The following PLCL1 variants were observed in gnomAD, a reference collection of about 807,000 sequenced individuals.
PLCL1 encodes the protein phospholipase C like 1 (inactive).
Under a neutral mutation model 84.4 loss-of-function variants are expected in PLCL1, and 41 were observed. The observed-to-expected ratio is 0.49, with a 90% CI of 0.38 to 0.63. The LOEUF (loss-of-function observed/expected upper bound fraction) is 0.63. PLCL1 is among the 30% of genes least tolerant of loss of function. PLCL1 has a pLI of 0.00. For missense variants in PLCL1, 1,206 were observed against 1,367.8 expected, an observed-to-expected ratio of 0.88 and a Z score of 1.87; for synonymous variants, 490 against 488.3, an observed-to-expected ratio of 1.00 and a Z score of -0.05.
chr2:197,997,440 A>C (rs112227398), intron 1 of PLCL1, among the ~76,000 whole-genome samples: 5 of 152,332 alleles, frequency 3.3e-5, no homozygotes, highest in African/African-American at 1.2e-4. Flanking sequence ...GGTGATGACT[A>C]TGTTATCATA....
At chr2:197,986,847 T>C (rs1268742158) in intron 1 of PLCL1, among the ~76,000 whole-genome samples, 1 of 152,218 alleles carries the variant, frequency 6.6e-6, no homozygotes, top group African/African-American at 2.4e-5. Flanking sequence ...GTTTACAAAG[T>C]GCTTCCATTT....
intron 1 of PLCL1, among the ~76,000 whole-genome samples, chr2:197,979,326 C>T (rs916774825): frequency 6.6e-6 from 1 of 152,166 alleles, no homozygotes; most frequent in Non-Finnish European, 1.5e-5. Context: ...GGTAGAAAAA[C>T]ATAGCAAACA....
chr2:198,066,403 C>A (rs1437662538), intron 1 of PLCL1, among the ~76,000 whole-genome samples: 1 of 152,156 alleles, frequency 6.6e-6, no homozygotes, highest in Non-Finnish European at 1.5e-5. Flanking sequence ...TTGCCCAAAC[C>A]AGAGATCTGG....
chr2:197,927,150 G>C (rs1688847252), intron 1 of PLCL1, among the ~76,000 whole-genome samples: 1 of 152,190 alleles, frequency 6.6e-6, no homozygotes, highest in Admixed American at 6.5e-5. Context: ...GTCTAGTTCA[G>C]ATTCAAGGAA....
At chr2:198,028,675 T>C (rs969914158) in intron 1 of PLCL1, among the ~76,000 whole-genome samples, 1 of 152,178 alleles carries the variant, frequency 6.6e-6, no homozygotes, top group African/African-American at 2.4e-5. Context: ...TCACATCACA[T>C]TGACCTTCTC....
intron 1 of PLCL1, among the ~76,000 whole-genome samples, chr2:198,034,148 C>T (rs1691497239): frequency 6.6e-6 from 1 of 152,070 alleles, no homozygotes; most frequent in South Asian, 2.1e-4. Context: ...CTCCCCCTCC[C>T]CTCACCCCAC....
At chr2:197,879,081 T>C (rs1261123878) in intron 1 of PLCL1, among the ~76,000 whole-genome samples, 1 of 152,230 alleles carries the variant, frequency 6.6e-6, no homozygotes, top group Non-Finnish European at 1.5e-5. Context: ...GTTCCTTCCA[T>C]GACTTCATGT....
intron 1 of PLCL1, among the ~76,000 whole-genome samples, chr2:197,865,179 A>G (rs761513647): frequency 3.9e-5 from 6 of 152,176 alleles, no homozygotes; most frequent in Non-Finnish European, 5.9e-5. Flanking sequence ...CAGTCACTCA[A>G]TGAAGTGCTT....
chr2:197,961,521 ATTATAC>A, intron 1 of PLCL1, among the ~76,000 whole-genome samples: 1 of 151,946 alleles, frequency 6.6e-6, no homozygotes, highest in Non-Finnish European at 1.5e-5. Flanking sequence ...AAAGAGAACT[ATTATAC>A]TTAATACTAG....
Position 198,044,590 on chromosome 2 carries a change from C to T in PLCL1, c.241-39168C>T, listed in dbSNP as rs546613189. 5.9e-5 allele frequency among the ~76,000 whole-genome samples: 9 copies of T among 152,086 alleles called. No individual in the cohort carries two copies. The South Asian group carries it at 1.9e-3, about 32-fold the overall frequency. ...TGTAAAAACTACACATAAACCAAAA[C>T]CATAGGGGTTTCAAATAATCATTGC... On this transcript the variant is annotated intron_variant, in intron 1 of 5. Transcript: ENST00000428675.
chr2:198,109,075 T>A (rs1693556633), intron 5 of PLCL1, among the ~76,000 whole-genome samples: 3 of 151,916 alleles, frequency 2.0e-5, no homozygotes, highest in Non-Finnish European at 1.5e-5. Context: ...GTCCTTCTTG[T>A]GCTGATATAA....
At chr2:197,822,355 C>A (rs769575909) in intron 1 of PLCL1, among the ~76,000 whole-genome samples, 3 of 152,148 alleles carry the variant, frequency 2.0e-5, no homozygotes, top group Non-Finnish European at 4.4e-5. Flanking sequence ...GAGCCCAAAT[C>A]AAGTTATTCT....
intron 1 of PLCL1, among the ~76,000 whole-genome samples, chr2:197,900,605 C>G (rs1257690295): frequency 2.0e-5 from 3 of 152,148 alleles, no homozygotes; most frequent in Non-Finnish European, 4.4e-5. Context: ...GTACAAAATC[C>G]CTGGAGAATC....
intron 1 of PLCL1, among the ~76,000 whole-genome samples, chr2:197,975,757 A>G (rs1177655720): frequency 6.6e-6 from 1 of 152,064 alleles, no homozygotes; most frequent in East Asian, 1.9e-4. Flanking sequence ...AGTGAGCTAT[A>G]TTTGTGCCAC....
chr2:197,825,921 TA>T (rs372280070), intron 1 of PLCL1, among the ~76,000 whole-genome samples: 1 of 152,324 alleles, frequency 6.6e-6, no homozygotes, highest in Non-Finnish European at 1.5e-5. Context: ...AGGCTGTGCC[TA>T]AAAAAATGGA....
chr2:197,829,073 T>C (rs965696044), intron 1 of PLCL1, among the ~76,000 whole-genome samples: 1 of 152,170 alleles, frequency 6.6e-6, no homozygotes, highest in Non-Finnish European at 1.5e-5. Context: ...AAATTTGCAT[T>C]CCAGATAAAC....
intron 1 of PLCL1, among the ~76,000 whole-genome samples, chr2:197,890,931 A>G (rs781675180): frequency 4.7e-5 from 7 of 150,308 alleles, no homozygotes; most frequent in African/African-American, 7.4e-5. Context: ...TATCCTTCCA[A>G]TCAATAAATA....
At chr2:197,892,603 G>A (rs1341971694) in intron 1 of PLCL1, among the ~76,000 whole-genome samples, 1 of 152,124 alleles carries the variant, frequency 6.6e-6, no homozygotes, top group South Asian at 2.1e-4. Flanking sequence ...AGAAGCTGGC[G>A]GTAGACAGAT....
chr2:198,104,325 G>A (rs1248297429), intron 5 of PLCL1, among the ~76,000 whole-genome samples: 1 of 151,878 alleles, frequency 6.6e-6, no homozygotes, highest in African/African-American at 2.4e-5. Flanking sequence ...GTTTGCTTAG[G>A]ATAAAGCCCT....
Sources: gnomAD v4.1 joint callset for allele counts (sites outside exome capture counted in the v4.1 genomes callset) on GRCh38, gnomAD v4.1.1 for gene constraint, MANE v1.5 for transcripts, NCBI Gene and HGNC (gene_info 2026-07-23, HGNC 2026-07-21) for gene names.